ROBO1: variants seen among roughly 807,000 people sequenced by gnomAD.
ROBO1 encodes the protein roundabout guidance receptor 1.
A neutral mutation model predicts 195.9 loss-of-function variants in ROBO1; 149 were observed. The ratio of observed to expected loss-of-function variants is 0.76; its 90% confidence interval spans 0.67 to 0.87. The LOEUF is 0.87. Ranked by LOEUF, ROBO1 falls within the 40% of genes least tolerant of loss-of-function variation. The pLI is 0.00. For synonymous variants in ROBO1, 816 were observed against 733.2 expected (o/e 1.11, Z -1.82); for missense variants, 1,933 against 2,068.3 (o/e 0.93, Z 1.27).
intron 2 of ROBO1, among the ~76,000 whole-genome samples, chr3:79,267,666 C>T (rs367765075): frequency 4.0e-5 from 6 of 151,296 alleles, no homozygotes; most frequent in East Asian, 1.9e-4. Context: ...TCTTTTTCCA[C>T]TTTCCACAGT....
chr3:78,770,547 T>C (rs529259974), intron 4 of ROBO1, among the ~76,000 whole-genome samples: 152 of 152,324 alleles, frequency 1.0e-3, no homozygotes, highest in Admixed American at 1.6e-3. Context: ...GATACACAAA[T>C]TGCAAATATA....
In ROBO1 at chr3:78,668,579, C is replaced by CA; in HGVS notation, c.1549-15dup. 1 of 1,610,528 alleles carries CA rather than the reference C, an allele frequency of 6.2e-7. No individual in the cohort carries two copies. Among genetic ancestry groups the CA allele is most frequent in the Non-Finnish European group, 8.5e-7 (1 of 1,177,974 alleles). On this transcript the variant is annotated splice_polypyrimidine_tract_variant and intron_variant, in intron 11 of 30. Transcript: ENST00000464233. ...AGTATCACCCAGCTGAGAAGGCAGA[C>CA]AAAAAATAAATATTTGGAAAAATCA...
chr3:79,234,439 GAGT>G (rs1490173523), intron 2 of ROBO1, among the ~76,000 whole-genome samples: 1 of 151,954 alleles, frequency 6.6e-6, no homozygotes, highest in African/African-American at 2.4e-5. Context: ...ATTAAATAGG[GAGT>G]CTTTTCCTAA....
intron 2 of ROBO1, among the ~76,000 whole-genome samples, chr3:79,545,674 A>C (rs1942237428): frequency 6.6e-6 from 1 of 151,944 alleles, no homozygotes; most frequent in South Asian, 2.1e-4. Flanking sequence ...CTGCATTACA[A>C]AATTACAAGA....
intron 2 of ROBO1, among the ~76,000 whole-genome samples, chr3:79,412,111 A>G (rs2106862955): frequency 6.6e-6 from 1 of 152,254 alleles, no homozygotes; most frequent in East Asian, 1.9e-4. Flanking sequence ...CCTGGAGCCA[A>G]TCCTGTCATT....
At chr3:79,331,039 G>A (rs961533769) in intron 2 of ROBO1, among the ~76,000 whole-genome samples, 12 of 152,160 alleles carry the variant, frequency 7.9e-5, no homozygotes, top group African/African-American at 2.9e-4. Context: ...TTCTACACTT[G>A]ATAGGATAAC....
chr3:78,625,742 G>A (rs1179998323), intron 26 of ROBO1, among the ~76,000 whole-genome samples: 1 of 152,162 alleles, frequency 6.6e-6, no homozygotes, highest in Non-Finnish European at 1.5e-5. Flanking sequence ...TACAAACTGA[G>A]AAGTCTTTAC....
At chr3:79,180,678 G>C (rs1576780930) in intron 2 of ROBO1, among the ~76,000 whole-genome samples, 1 of 152,250 alleles carries the variant, frequency 6.6e-6, no homozygotes, top group East Asian at 1.9e-4. Flanking sequence ...GAAATGGCCT[G>C]GCACATAGTA....
intron 26 of ROBO1, among the ~76,000 whole-genome samples, chr3:78,622,572 T>A (rs1392985897): frequency 6.6e-6 from 1 of 152,184 alleles, no homozygotes; most frequent in Non-Finnish European, 1.5e-5. Flanking sequence ...TCCATAGCAA[T>A]ATCTCCCATT....
At chr3:78,828,420 A>G (rs1387183974) in intron 4 of ROBO1, among the ~76,000 whole-genome samples, 1 of 152,202 alleles carries the variant, frequency 6.6e-6, no homozygotes, top group African/African-American at 2.4e-5. Flanking sequence ...CTTCATTTGA[A>G]AATGTGTGTG....
intron 4 of ROBO1, among the ~76,000 whole-genome samples, chr3:78,798,280 T>G (rs1282795743): frequency 6.6e-6 from 1 of 152,198 alleles, no homozygotes; most frequent in Non-Finnish European, 1.5e-5. Context: ...AAAAGCTACT[T>G]TTCTGAATGG....
intron 1 of ROBO1, among the ~76,000 whole-genome samples, chr3:79,602,030 T>C (rs1944354459): frequency 6.6e-6 from 1 of 151,984 alleles, no homozygotes; most frequent in East Asian, 1.9e-4. Context: ...TGTCCATTAA[T>C]ACTTAAATGA....
At chr3:78,769,390 G>A (rs151302859) in intron 4 of ROBO1, among the ~76,000 whole-genome samples, 119 of 152,060 alleles carry the variant, frequency 7.8e-4, no homozygotes, top group Non-Finnish European at 1.6e-3. Flanking sequence ...ACTCCTGCTC[G>A]CTTTTGGTGT....
At chr3:78,827,377 A>G (rs909045671) in intron 4 of ROBO1, among the ~76,000 whole-genome samples, 24 of 152,206 alleles carry the variant, frequency 1.6e-4, no homozygotes, top group African/African-American at 5.3e-4. Context: ...AAAGCTAAAA[A>G]CTTACAAATG....
chr3:78,798,470 A>G (rs1428663579), intron 4 of ROBO1, among the ~76,000 whole-genome samples: 1 of 152,216 alleles, frequency 6.6e-6, no homozygotes, highest in Admixed American at 6.5e-5. Context: ...CAAGCTTAAT[A>G]GTTCTGTTTA....
At chr3:79,730,346 A>G (rs549605818) in intron 1 of ROBO1, among the ~76,000 whole-genome samples, 10 of 152,304 alleles carry the variant, frequency 6.6e-5, no homozygotes, top group African/African-American at 1.7e-4. Flanking sequence ...TATTTGGCCA[A>G]AATCACATAT....
intron 8 of ROBO1, among the ~76,000 whole-genome samples, chr3:78,697,591 G>A (rs959921974): frequency 6.6e-6 from 1 of 152,076 alleles, no homozygotes; most frequent in Non-Finnish European, 1.5e-5. Flanking sequence ...AAAGGTCACT[G>A]AACCATGAAT....
chr3:79,393,147 T>G (rs965713573), intron 2 of ROBO1, among the ~76,000 whole-genome samples: 6 of 152,236 alleles, frequency 3.9e-5, no homozygotes, highest in Admixed American at 1.3e-4. Flanking sequence ...CATTTGGTCA[T>G]AGGTAGAACT....
At chr3:79,021,806 G>A (rs1464119781) in intron 3 of ROBO1, among the ~76,000 whole-genome samples, 2 of 151,856 alleles carry the variant, frequency 1.3e-5, no homozygotes, top group African/African-American at 2.4e-5. Context: ...GACTACAGGC[G>A]CCCGCCACCA....
Sources: gnomAD v4.1 joint callset for allele counts (sites outside exome capture counted in the v4.1 genomes callset) on GRCh38, gnomAD v4.1.1 for gene constraint, MANE v1.5 for transcripts, NCBI Gene and HGNC (gene_info 2026-07-23, HGNC 2026-07-21) for gene names.